The following TMEM156 variants were observed in gnomAD, a reference collection of about 807,000 sequenced individuals.
The protein encoded by TMEM156 is transmembrane protein 156.
A neutral mutation model predicts 30.5 loss-of-function variants in TMEM156; 28 were observed. That is an observed-to-expected ratio of 0.92 (90% confidence interval 0.68 to 1.26). The LOEUF (loss-of-function observed/expected upper bound fraction) is 1.26. Ranked by LOEUF, TMEM156 falls within the 50% of genes most tolerant of loss-of-function variation. The pLI, the probability that TMEM156 is intolerant of heterozygous loss-of-function variation, is 0.00. For synonymous variants in TMEM156, 137 were observed against 119.9 expected (o/e 1.14, Z -0.93); for missense variants, 351 against 340.6 (o/e 1.03, Z -0.24).
intron 5 of TMEM156, among the ~76,000 whole-genome samples, chr4:38,984,764 AG>A (rs1226894129): frequency 6.6e-6 from 1 of 152,190 alleles, no homozygotes; most frequent in Non-Finnish European, 1.5e-5. Flanking sequence ...AAGCCTCAAA[AG>A]GGTTCTTGGT....
intron 5 of TMEM156, among the ~76,000 whole-genome samples, chr4:38,980,656 G>A (rs761052081): frequency 7.9e-5 from 12 of 152,180 alleles, no homozygotes; most frequent in Non-Finnish European, 1.5e-4. Flanking sequence ...AAAGATGTAC[G>A]GTGTTATGAG....
rs1047540604 is a variant in TMEM156 at position 39,006,882 on chromosome 4, G to A, written c.89-7973C>T. ...TGCTTGAGCCCAGGAGGTTGAGGCC[G>A]TGGTGAGCCATGATCATACCACTGC... On this transcript the variant is annotated intron_variant, in intron 1 of 6. Coordinates refer to ENST00000381938, the MANE Select transcript of TMEM156 (RefSeq NM_024943.3). Among the ~76,000 whole-genome samples, 8 of 152,250 alleles carry A rather than the reference G, an allele frequency of 5.3e-5. No individual in the cohort carries two copies. In the South Asian group the frequency reaches 6.2e-4, roughly 12 times the overall value.
rs113660939 is a variant in TMEM156, at chr4:38,977,524, C to T, written c.824-6387G>A. On this transcript the variant is annotated intron_variant, in intron 5 of 6. Coordinates refer to ENST00000381938, the MANE Select transcript of TMEM156 (RefSeq NM_024943.3). ...AAAGGCAAAAAGGTAGGATATATGTCATTTTAATGCCTTCTTCAGAATAGC... is the reference window on the plus strand; with the variant it reads ...AAAGGCAAAAAGGTAGGATATATGTTATTTTAATGCCTTCTTCAGAATAGC... Among the ~76,000 whole-genome samples, 734 of 152,312 alleles carry T rather than the reference C, an allele frequency of 4.8e-3. 1 individual carries two copies. Among genetic ancestry groups the T allele is most frequent in the African/African-American group, 0.017 (699 of 41,562 alleles).
chr4:38,994,679 C>T (rs12649860), intron 2 of TMEM156, among the ~76,000 whole-genome samples: 55,911 of 151,784 alleles, frequency 0.37, 10,719 homozygotes, highest in East Asian at 0.65. Flanking sequence ...CCAAGCACGG[C>T]GATCCTGCCT....
At chr4:39,030,626 G>T (rs948546414) in intron 1 of TMEM156, among the ~76,000 whole-genome samples, 1 of 152,300 alleles carries the variant, frequency 6.6e-6, no homozygotes, top group South Asian at 2.1e-4. Context: ...GTAGTCACCA[G>T]TTCTCATAAA....
chr4:39,009,058 A>G (rs1254316979), intron 1 of TMEM156, among the ~76,000 whole-genome samples: 2 of 152,172 alleles, frequency 1.3e-5, no homozygotes, highest in Non-Finnish European at 2.9e-5. Flanking sequence ...ATGATCAGAA[A>G]TGACAAAGGT....
chr4:39,022,079 T>C (rs7674862), intron 1 of TMEM156, among the ~76,000 whole-genome samples: 61,673 of 151,952 alleles, frequency 0.41, 12,757 homozygotes, highest in Admixed American at 0.51. Context: ...AAAGATGTTT[T>C]CCTCCAGAGA....
chr4:39,028,035 C>T (rs914974138), intron 1 of TMEM156, among the ~76,000 whole-genome samples: 14 of 151,868 alleles, frequency 9.2e-5, no homozygotes, highest in African/African-American at 2.7e-4. Flanking sequence ...GGGATTACAC[C>T]GCGCCTGGCC....
intron 1 of TMEM156, among the ~76,000 whole-genome samples, chr4:39,016,482 T>C (rs796936805): frequency 2.0e-4 from 31 of 152,172 alleles, no homozygotes; most frequent in African/African-American, 7.5e-4. Context: ...TATTATTTCC[T>C]GCCATTACTT....
chr4:39,015,786 C>G (rs1304428917), intron 1 of TMEM156, among the ~76,000 whole-genome samples: 1 of 152,100 alleles, frequency 6.6e-6, no homozygotes, highest in Non-Finnish European at 1.5e-5. Flanking sequence ...ATAATTGAAT[C>G]ACGGGGGCTG....
chr4:39,027,788 G>A (rs1204180203), intron 1 of TMEM156, among the ~76,000 whole-genome samples: 2 of 128,548 alleles, frequency 1.6e-5, no homozygotes, highest in African/African-American at 2.9e-5. Flanking sequence ...AAGAAGTCTC[G>A]CTTTGTCCAC....
chr4:38,983,128 A>G (rs1318976186), intron 5 of TMEM156, among the ~76,000 whole-genome samples: 1 of 152,102 alleles, frequency 6.6e-6, no homozygotes, highest in Non-Finnish European at 1.5e-5. Context: ...TCACCAGACC[A>G]TTCCTGACAT....
chr4:38,993,922 T>A lies in TMEM156; in HGVS notation c.435A>T (p.Val145=). The change falls in exon 3 of 7, where the codon GTA becomes GTT. Residue 145 remains valine (V), a synonymous_variant. Transcript: ENST00000381938. The part of the protein sequence containing the change: ...HSPCQHFNFS[V]APLVDHLEEY... ...CCTCCAAGTGGTCAACCAGAGGAGCTACACTGAAGTTAAAGTGCTGACAAG... is the reference window on the plus strand; with the variant it reads ...CCTCCAAGTGGTCAACCAGAGGAGCAACACTGAAGTTAAAGTGCTGACAAG... 1.9e-6 allele frequency: 3 copies of A among 1,614,108 alleles called. No individual in the cohort carries two copies. The highest frequency in any genetic ancestry group is 2.5e-6 in the Non-Finnish European group (3 of 1,179,972).
At chr4:39,022,802 T>G (rs935537912) in intron 1 of TMEM156, among the ~76,000 whole-genome samples, 6 of 152,198 alleles carry the variant, frequency 3.9e-5, no homozygotes, top group Non-Finnish European at 7.3e-5. Context: ...CATTAACTAG[T>G]TGTCAGGGAA....
chr4:38,993,953 T>C lies in TMEM156; in HGVS notation c.404A>G (p.His135Arg), dbSNP rs375386331. The change falls in exon 3 of 7, where the codon CAT (histidine) becomes CGT (arginine). Residue 135 changes from histidine (H) to arginine (R), a missense_variant. His to Arg is a conservative substitution (Grantham distance 29). Coordinates refer to ENST00000381938, the MANE Select transcript of TMEM156 (RefSeq NM_024943.3). ...GAAGTTAAAGTGCTGACAAGGTGAA[T>C]GAAAATCATTTGCTTTCACTTCCAT... ...GSMEVKANDF[H>R]SPCQHFNFSV... is the part of the protein sequence containing the mutation. The C allele has an allele frequency of 1.9e-6, 3 of 1,614,032 alleles. No individual in the cohort carries two copies. The East Asian group carries it at 6.7e-5, about 36-fold the overall frequency.
chr4:39,018,276 T>C (rs1714631785), intron 1 of TMEM156, among the ~76,000 whole-genome samples: 2 of 152,352 alleles, frequency 1.3e-5, no homozygotes, highest in South Asian at 4.1e-4. Flanking sequence ...TCGGATCATC[T>C]CCTTCCTGAC....
intron 5 of TMEM156, among the ~76,000 whole-genome samples, chr4:38,980,686 C>T (rs553070110): frequency 2.6e-5 from 4 of 152,246 alleles, no homozygotes; most frequent in East Asian, 1.9e-4. Context: ...TAAGGAGAAT[C>T]GACCTAGTCC....
At chr4:39,005,036 G>C (rs1456703995) in intron 1 of TMEM156, among the ~76,000 whole-genome samples, 2 of 152,136 alleles carry the variant, frequency 1.3e-5, no homozygotes, top group African/African-American at 4.8e-5. Context: ...CATGTAATGG[G>C]ATACCACTCA....
At chr4:39,022,060 G>A (rs765881377) in intron 1 of TMEM156, among the ~76,000 whole-genome samples, 12 of 152,188 alleles carry the variant, frequency 7.9e-5, no homozygotes, top group Non-Finnish European at 1.5e-4. Context: ...ATTATTTGAG[G>A]AATGGTGTAA....
Sources: allele counts gnomAD v4.1 joint callset (sites outside exome capture counted in the v4.1 genomes callset), GRCh38; gene constraint gnomAD v4.1.1; transcripts MANE v1.5; gene names NCBI Gene and HGNC (gene_info 2026-07-23, HGNC 2026-07-21).